The following EPS15L1 variants were observed in gnomAD, a reference collection of about 807,000 sequenced individuals.
EPS15L1 encodes the protein epidermal growth factor receptor substrate 15-like 1.
In EPS15L1, 43 loss-of-function variants were observed where a neutral mutation model predicts 117.1. The ratio of observed to expected loss-of-function variants is 0.37; its 90% CI spans 0.29 to 0.47. EPS15L1 has a LOEUF of 0.47. Ranked by LOEUF, EPS15L1 falls within the 20% of genes least tolerant of loss-of-function variation. The pLI is 0.99. For synonymous variants in EPS15L1, 459 were observed against 470.5 expected (o/e 0.98, Z 0.32); for missense variants, 981 against 1,164.0 (o/e 0.84, Z 2.29).
At chr19:16,358,659 C>T (rs2092013470) in intron 23 of EPS15L1, among the ~76,000 whole-genome samples, 1 of 152,256 alleles carries the variant, frequency 6.6e-6, no homozygotes, top group Admixed American at 6.5e-5. Context: ...GACAGCTCGG[C>T]ACGCTGGGCG....
intron 12 of EPS15L1, chr19:16,417,345 G>C: frequency 1.8e-6 from 1 of 551,930 alleles, no homozygotes; most frequent in Non-Finnish European, 3.3e-6. Flanking sequence ...AGATGCTACG[G>C]GCTCTGGCTG....
At chr19:16,400,916 T>C in intron 16 of EPS15L1, 7 of 985,394 alleles carry the variant, frequency 7.1e-6, no homozygotes, top group Non-Finnish European at 8.4e-6. Flanking sequence ...AAGAGGAAGC[T>C]GTTCCCTGAA....
intron 21 of EPS15L1, among the ~76,000 whole-genome samples, chr19:16,377,982 AAG>A (rs1359612383): frequency 6.6e-6 from 1 of 152,198 alleles, no homozygotes; most frequent in African/African-American, 2.4e-5. Flanking sequence ...CTCCAGCTTA[AAG>A]AGAGAGACAG....
chr19:16,469,396 C>G (rs1256894207), intron 1 of EPS15L1, among the ~76,000 whole-genome samples: 1 of 151,986 alleles, frequency 6.6e-6, no homozygotes, highest in Non-Finnish European at 1.5e-5. Context: ...GACGGAGGGG[C>G]CACCGGTAAC....
chr19:16,447,402 A>G (rs1240665688), intron 1 of EPS15L1, among the ~76,000 whole-genome samples: 1 of 152,232 alleles, frequency 6.6e-6, no homozygotes, highest in Non-Finnish European at 1.5e-5. Flanking sequence ...GCAAAGAGAG[A>G]GGCAATTCAG....
intron 21 of EPS15L1, among the ~76,000 whole-genome samples, chr19:16,382,119 G>A (rs1490926372): frequency 6.6e-6 from 1 of 152,214 alleles, no homozygotes; most frequent in Non-Finnish European, 1.5e-5. Flanking sequence ...GACACCTCGG[G>A]CCAAGCCGGC....
At chr19:16,417,359 C>T (rs1285955028) in intron 12 of EPS15L1, 193 bp downstream of exon 12, 5 of 580,756 alleles carry the variant, frequency 8.6e-6, no homozygotes, top group Middle Eastern at 4.6e-4. Flanking sequence ...CTGGCTGAGG[C>T]TGATTCAAAT....
rs2092644533 is a variant in EPS15L1, at chr19:16,405,248, C to T, written c.1267-499G>A. ...GGACAGAGCCTGGCGGAGGGAACCA[C>T]AGGGACCCCAGGGTCGGGGGGTGTC... On this transcript the variant is annotated intron_variant, in intron 13 of 23. Transcript: ENST00000455140. The surrounding 1 kb of genome is among the most constrained non-coding windows in gnomAD (Gnocchi z 4.0). Among the ~76,000 whole-genome samples the T allele has an allele frequency of 6.6e-6, 1 of 152,168 alleles. No homozygotes were observed. The highest frequency in any genetic ancestry group is 6.5e-5 in the Admixed American group (1 of 15,278).
chr19:16,432,601 A>G (rs563981360), intron 7 of EPS15L1, among the ~76,000 whole-genome samples: 1 of 150,912 alleles, frequency 6.6e-6, no homozygotes, highest in East Asian at 2.0e-4. Context: ...TACAAATACA[A>G]ATACAAATAC....
At chr19:16,379,237 G>A (rs1035679933) in intron 21 of EPS15L1, among the ~76,000 whole-genome samples, 1 of 152,132 alleles carries the variant, frequency 6.6e-6, no homozygotes, top group African/African-American at 2.4e-5. Context: ...CCTGGGAGGC[G>A]GAGCTTGCAG....
Position 16,413,652 on chromosome 19 carries a change from A to G in EPS15L1, c.1266+121T>C, listed in dbSNP as rs2092728755. The G allele has an allele frequency of 1.6e-5, 13 of 827,624 alleles. 1 individual carries two copies. The highest frequency in any genetic ancestry group is 1.2e-4 in the South Asian group (8 of 65,510). 51.3% of individuals were successfully genotyped at this position (827,624 alleles called of 1,614,324 possible). On this transcript the variant is annotated intron_variant, in intron 13 of 23. Coordinates refer to ENST00000455140, the MANE Select transcript of EPS15L1 (RefSeq NM_001258374.3). Reference sequence around the variant, plus strand: ...CAAAAACTTCATTCTGCAGCCCCCAAGAGCTCATGTTTCCATCCAGGGCAG... The same window carrying G: ...CAAAAACTTCATTCTGCAGCCCCCAGGAGCTCATGTTTCCATCCAGGGCAG...
chr19:16,355,591 A>C lies in EPS15L1; in HGVS notation c.*114T>G. On this transcript the variant is annotated 3_prime_UTR_variant, in exon 24 of 24. Transcript: ENST00000455140. ...TCTGCTCACCCTGAACAAGCCCCCG[A>C]GTCCCGGTCCTTGGAGTACGGTGGC... 1 of 1,326,280 alleles carries C rather than the reference A, an allele frequency of 7.5e-7. No individual in the cohort carries two copies. The highest frequency in any genetic ancestry group is 1.0e-6 in the Non-Finnish European group (1 of 986,354). 82.2% of individuals were successfully genotyped at this position (1,326,280 alleles called of 1,614,324 possible).
chr19:16,465,291 G>A (rs193065849), intron 1 of EPS15L1, among the ~76,000 whole-genome samples: 19 of 152,134 alleles, frequency 1.2e-4, no homozygotes, highest in African/African-American at 3.4e-4. Flanking sequence ...TGGACCACCC[G>A]TGACCTGAGC....
Position 16,471,897 on chromosome 19 carries a change from C to A in EPS15L1, c.33+16G>T, listed in dbSNP as rs2093349495. The stretch of plus-strand genomic sequence containing the variant: ...CCCGCACCCCGGCGCCGCCCCCAGG[C>A]CCGCCCGGCCCGTACCTGCTGGGAG... On this transcript the variant is annotated intron_variant, in intron 1 of 23. Coordinates refer to ENST00000455140, the MANE Select transcript of EPS15L1 (RefSeq NM_001258374.3). This position sits in a 1 kb window ranked among gnomAD's most constrained non-coding sequence, Gnocchi z 4.8. 1 of 1,300,674 alleles carries A rather than the reference C, an allele frequency of 7.7e-7. No homozygotes were observed. The highest frequency in any genetic ancestry group is 9.8e-7 in the Non-Finnish European group (1 of 1,024,308). 80.6% of individuals were successfully genotyped at this position (1,300,674 alleles called of 1,614,324 possible). A position where few individuals can be genotyped will look rare whatever the true frequency, so the allele number is the denominator to read the frequency against.
rs1390892768 is a variant in EPS15L1, at chr19:16,471,929, A to G, written c.17T>C (p.Ile6Thr). The change falls in exon 1 of 24, where the codon ATC becomes ACC. Residue 6 changes from isoleucine to threonine, a missense_variant. Around this residue, in one of 5 missense-constraint regions of EPS15L1, gnomAD observed 37 missense variants for 21.2 expected, o/e 1.75. Coordinates refer to ENST00000455140, the MANE Select transcript of EPS15L1 (RefSeq NM_001258374.3). The surrounding 1 kb of genome is among the most constrained non-coding windows in gnomAD (Gnocchi z 4.8). Reference protein sequence around the residue: MAAPLIPLSQQIPTGN... With the variant: MAAPLTPLSQQIPTGN... The stretch of plus-strand genomic sequence containing the variant: ...GGCCCGTACCTGCTGGGAGAGGGGG[A>G]TGAGCGGCGCCGCCATCTTCCCGCG... The G allele has an allele frequency of 3.9e-6, 5 of 1,291,362 alleles. No individual in the cohort carries two copies. The highest frequency in any genetic ancestry group is 4.6e-5 in the South Asian group (2 of 43,168). 80.0% of individuals were successfully genotyped at this position (1,291,362 alleles called of 1,614,324 possible).
intron 1 of EPS15L1, among the ~76,000 whole-genome samples, chr19:16,464,877 G>C (rs12611408): frequency 2.0e-5 from 3 of 151,430 alleles, no homozygotes; most frequent in Non-Finnish European, 4.4e-5. Flanking sequence ...AGGTCAGATC[G>C]AGACCATCCT....
intron 10 of EPS15L1, among the ~76,000 whole-genome samples, chr19:16,420,663 T>G (rs111818623): frequency 3.9e-5 from 6 of 152,368 alleles, no homozygotes; most frequent in African/African-American, 1.4e-4. Flanking sequence ...TTCTTTCCTT[T>G]TGATAGCTCC....
rs1472103289 is a variant in EPS15L1 at position 16,385,174 on chromosome 19, G to T, written c.2202C>A (p.Ser734=). Residue 734 remains serine (S), a synonymous_variant, in exon 21 of 24, where the codon TCC becomes TCA. Coordinates refer to ENST00000455140, the MANE Select transcript of EPS15L1 (RefSeq NM_001258374.3). ...CGGCAAAGCCTTCAGCACTATTGAA[G>T]GACCCACTTCCGAAGGGATCTAAGG... is the stretch of plus-strand genomic sequence containing the variant. ...FGTLDPFGSG[S]FNSAEGFADF... 1 of 1,614,162 alleles carries T rather than the reference G, an allele frequency of 6.2e-7. No homozygotes were observed.
intron 7 of EPS15L1, among the ~76,000 whole-genome samples, chr19:16,430,996 T>C (rs2092921957): frequency 6.6e-6 from 1 of 152,122 alleles, no homozygotes; most frequent in Non-Finnish European, 1.5e-5. Flanking sequence ...CCCAGCACTT[T>C]GGGAGTCCAA....
Sources: gnomAD v4.1 joint callset for allele counts (sites outside exome capture counted in the v4.1 genomes callset) on GRCh38, gnomAD v4.1.1 for gene constraint, gnomAD v4.1.1 regional missense constraint, Gnocchi (gnomAD v3.1) non-coding constraint, MANE v1.5 for transcripts, NCBI Gene and HGNC (gene_info 2026-07-23, HGNC 2026-07-21) for gene names.